MEI4: variants seen among roughly 807,000 people sequenced by gnomAD.
MEI4 encodes meiosis-specific protein MEI4.
A neutral mutation model predicts 31.4 loss-of-function variants in MEI4; 27 were observed. The observed-to-expected ratio is 0.86, with a 90% CI of 0.63 to 1.19. The LOEUF (loss-of-function observed/expected upper bound fraction) is 1.19, where lower values mean the gene tolerates loss of function less well. MEI4 is among the 50% of genes most tolerant of loss of function. The pLI, the probability that MEI4 is intolerant of heterozygous loss-of-function variation, is 0.00. For synonymous variants in MEI4, 122 were observed against 145.4 expected, an observed-to-expected ratio of 0.84 and a Z score of 1.16; for missense variants, 329 against 398.9, an observed-to-expected ratio of 0.82 and a Z score of 1.49.
intron 1 of MEI4, among the ~76,000 whole-genome samples, chr6:77,662,790 G>A (rs1343761151): frequency 6.6e-6 from 1 of 152,144 alleles, no homozygotes; most frequent in African/African-American, 2.4e-5. Flanking sequence ...GAAGGTGATG[G>A]GGTTTGGAGA....
At chr6:77,918,753 C>T (rs768606733) in intron 4 of MEI4, among the ~76,000 whole-genome samples, 9 of 147,780 alleles carry the variant, frequency 6.1e-5, no homozygotes, top group Admixed American at 5.4e-4. Flanking sequence ...AATTGAATAC[C>T]CTTTATTTCC....
chr6:77,881,853 C>T (rs542158264), intron 4 of MEI4, among the ~76,000 whole-genome samples: 1 of 152,272 alleles, frequency 6.6e-6, no homozygotes, highest in African/African-American at 2.4e-5. Flanking sequence ...TTTGTGACTT[C>T]CTTAGGTCAT....
chr6:77,887,923 T>C (rs1445751655), intron 4 of MEI4, among the ~76,000 whole-genome samples: 3 of 152,218 alleles, frequency 2.0e-5, no homozygotes. Context: ...TCTATTGGTA[T>C]TGCTTTATAT....
intron 3 of MEI4, among the ~76,000 whole-genome samples, chr6:77,779,070 CT>C (rs1195803217): frequency 6.6e-6 from 1 of 152,024 alleles, no homozygotes; most frequent in Non-Finnish European, 1.5e-5. Flanking sequence ...AATTTAGAGG[CT>C]TTTTAAGGCT....
chr6:77,659,927 T>TG (rs1408208001), intron 1 of MEI4, among the ~76,000 whole-genome samples: 15 of 152,054 alleles, frequency 9.9e-5, no homozygotes, highest in African/African-American at 3.4e-4. Flanking sequence ...GGTCCAAATA[T>TG]GGGGGGAGTA....
chr6:77,818,204 C>T (rs1769733704), intron 3 of MEI4, among the ~76,000 whole-genome samples: 1 of 152,020 alleles, frequency 6.6e-6, no homozygotes, highest in Admixed American at 6.6e-5. Context: ...TTTTATTTGA[C>T]AATCAGTGTT....
intron 1 of MEI4, among the ~76,000 whole-genome samples, chr6:77,655,842 G>T (rs1482724145): frequency 6.6e-6 from 1 of 151,974 alleles, no homozygotes; most frequent in African/African-American, 2.4e-5. Flanking sequence ...CTGTTCTTAT[G>T]TCCATTATTA....
intron 4 of MEI4, among the ~76,000 whole-genome samples, chr6:77,886,448 T>A (rs1388777567): frequency 2.0e-5 from 3 of 152,184 alleles, no homozygotes; most frequent in African/African-American, 7.2e-5. Context: ...TTTTTTTTTA[T>A]GAGATGGAGT....
intron 1 of MEI4, among the ~76,000 whole-genome samples, chr6:77,654,186 T>A (rs961878301): frequency 2.0e-5 from 3 of 152,160 alleles, no homozygotes; most frequent in Non-Finnish European, 4.4e-5. Context: ...ATTTACAGCA[T>A]CTCTGAGATT....
At chr6:77,655,796 A>G (rs1277816252) in intron 1 of MEI4, among the ~76,000 whole-genome samples, 1 of 152,064 alleles carries the variant, frequency 6.6e-6, no homozygotes, top group Non-Finnish European at 1.5e-5. Context: ...GATTTTTAGT[A>G]TCTTGTTCTG....
intron 3 of MEI4, among the ~76,000 whole-genome samples, chr6:77,827,386 A>G (rs1265309260): frequency 7.7e-6 from 1 of 130,668 alleles, no homozygotes; most frequent in Non-Finnish European, 1.7e-5. Context: ...AAAAAAAAAA[A>G]GAACCTACAT....
At chr6:77,916,278 G>C (rs2127740701) in intron 4 of MEI4, among the ~76,000 whole-genome samples, 1 of 151,824 alleles carries the variant, frequency 6.6e-6, no homozygotes, top group Non-Finnish European at 1.5e-5. Flanking sequence ...ATAATAAATT[G>C]TTGCTGGAGA....
chr6:77,919,940 C>G (rs200133297), intron 4 of MEI4, among the ~76,000 whole-genome samples: 10,937 of 134,850 alleles, frequency 0.081, 608 homozygotes, highest in East Asian at 0.29. Flanking sequence ...TCTCCCAAGA[C>G]TGAACCAGGA....
intron 4 of MEI4, among the ~76,000 whole-genome samples, chr6:77,856,769 T>C (rs773373491): frequency 6.6e-6 from 1 of 152,010 alleles, no homozygotes; most frequent in Admixed American, 6.6e-5. Context: ...TCTCATCTTA[T>C]CCACCGACCT....
At chr6:77,746,359 C>T (rs1767603471) in intron 2 of MEI4, among the ~76,000 whole-genome samples, 1 of 152,168 alleles carries the variant, frequency 6.6e-6, no homozygotes, top group African/African-American at 2.4e-5. Context: ...AGGTTGGCCT[C>T]ATCCAATAAG....
chr6:77,742,847 A>G (rs1160709868), intron 2 of MEI4, among the ~76,000 whole-genome samples: 2 of 152,060 alleles, frequency 1.3e-5, no homozygotes, highest in East Asian at 1.9e-4. Flanking sequence ...ATGGCTAGCC[A>G]GTTTTCCCAG....
At chr6:77,793,885 T>C (rs1769007005) in intron 3 of MEI4, among the ~76,000 whole-genome samples, 1 of 151,846 alleles carries the variant, frequency 6.6e-6, no homozygotes, top group Non-Finnish European at 1.5e-5. Flanking sequence ...TACAAAGGAA[T>C]TACAAAACAG....
chr6:77,784,356 G>A (rs1366355819), intron 3 of MEI4, among the ~76,000 whole-genome samples: 1 of 152,102 alleles, frequency 6.6e-6, no homozygotes, highest in Non-Finnish European at 1.5e-5. Context: ...TCTAATTTAA[G>A]CTGTTACTGA....
chr6:77,755,702 T>G (rs879873223), intron 2 of MEI4, among the ~76,000 whole-genome samples: 17 of 152,170 alleles, frequency 1.1e-4, no homozygotes, highest in Admixed American at 1.1e-3. Context: ...ATTATAATGT[T>G]TAATTGATAT....
Sources: allele counts gnomAD v4.1 joint callset (sites outside exome capture counted in the v4.1 genomes callset), GRCh38; gene constraint gnomAD v4.1.1; transcripts MANE v1.5; gene names NCBI Gene and HGNC (gene_info 2026-07-23, HGNC 2026-07-21).